Variants in OPCML observed in about 807,000 individuals in gnomAD.
OPCML encodes opioid-binding protein/cell adhesion molecule.
A neutral mutation model predicts 37.8 loss-of-function variants in OPCML; 13 were observed. The observed-to-expected ratio is 0.34, with a 90% confidence interval of 0.22 to 0.55. The LOEUF (loss-of-function observed/expected upper bound fraction) is 0.55, where lower values mean the gene tolerates loss of function less well. Ranked by LOEUF, OPCML falls within the 20% of genes least tolerant of loss-of-function variation. The probability of loss-of-function intolerance (pLI) is 0.91; values close to 1 mark genes in which losing one functional copy is unlikely to be tolerated. For synonymous variants in OPCML, 176 were observed against 168.8 expected, an observed-to-expected ratio of 1.04 and a Z score of -0.33; for missense variants, 341 against 435.6, an observed-to-expected ratio of 0.78 and a Z score of 1.93.
chr11:132,474,821 C>T (rs1443181471), intron 4 of OPCML, among the ~76,000 whole-genome samples: 6 of 152,184 alleles, frequency 3.9e-5, no homozygotes, highest in South Asian at 2.1e-4. Flanking sequence ...CTTCCAAAGT[C>T]GTGGATTGCA....
chr11:132,870,259 C>T (rs1395575849), intron 2 of OPCML, among the ~76,000 whole-genome samples: 1 of 152,074 alleles, frequency 6.6e-6, no homozygotes, highest in South Asian at 2.1e-4. Context: ...AGATTACTGC[C>T]TCCATCCTGC....
chr11:132,653,976 C>A (rs1161527785), intron 3 of OPCML, among the ~76,000 whole-genome samples: 3 of 152,174 alleles, frequency 2.0e-5, no homozygotes, highest in South Asian at 2.1e-4. Flanking sequence ...TTTATACATG[C>A]CTTATTGTCT....
intron 2 of OPCML, among the ~76,000 whole-genome samples, chr11:132,721,443 C>G (rs1449639126): frequency 6.6e-6 from 1 of 152,090 alleles, no homozygotes; most frequent in Non-Finnish European, 1.5e-5. Flanking sequence ...GGCTAGGGAC[C>G]AGCAAGGCAT....
At chr11:133,121,128 A>G (rs556465918) in intron 1 of OPCML, among the ~76,000 whole-genome samples, 8 of 152,160 alleles carry the variant, frequency 5.3e-5, no homozygotes, top group Non-Finnish European at 8.8e-5. Context: ...CATGTTGGCC[A>G]GGATGGTCTC....
intron 1 of OPCML, among the ~76,000 whole-genome samples, chr11:133,484,122 ATGAT>A (rs1482403768): frequency 3.1e-5 from 4 of 129,728 alleles, no homozygotes; most frequent in Non-Finnish European, 3.2e-5. Context: ...TGATAGATAG[ATGAT>A]TGATAGATAG....
At chr11:132,833,549 G>T (rs542817547) in intron 2 of OPCML, among the ~76,000 whole-genome samples, 228 of 152,314 alleles carry the variant, frequency 1.5e-3, no homozygotes, top group Non-Finnish European at 2.2e-3. Flanking sequence ...AAAAGGTGTG[G>T]TGATGTAAAT....
At chr11:132,972,715 G>A (rs1029796565) in intron 1 of OPCML, among the ~76,000 whole-genome samples, 2 of 152,164 alleles carry the variant, frequency 1.3e-5, no homozygotes, top group Non-Finnish European at 1.5e-5. Flanking sequence ...CCGTCAGCCT[G>A]ACAAGTGGCT....
intron 2 of OPCML, among the ~76,000 whole-genome samples, chr11:132,811,249 T>C (rs887374704): frequency 6.6e-6 from 1 of 152,176 alleles, no homozygotes; most frequent in Non-Finnish European, 1.5e-5. Context: ...ATTCTCTCCA[T>C]TAAAATCCTG....
chr11:133,482,207 G>A (rs534143611), intron 1 of OPCML, among the ~76,000 whole-genome samples: 6 of 152,242 alleles, frequency 3.9e-5, no homozygotes, highest in Admixed American at 3.9e-4. Context: ...GGTGAGAGGA[G>A]TCACAGATAT....
At chr11:132,697,868 T>C (rs961863319) in intron 2 of OPCML, among the ~76,000 whole-genome samples, 4 of 152,060 alleles carry the variant, frequency 2.6e-5, no homozygotes, top group Non-Finnish European at 2.9e-5. Context: ...GGGGCTCAAG[T>C]AATCCTCTCA....
rs71038527 is a variant in OPCML, at chr11:133,410,634, T to TAAAAAAAAAAAAAAA, written c.61+121615_61+121629dup. Among the ~76,000 whole-genome samples the TAAAAAAAAAAAAAAA allele has an allele frequency of 1.3e-3, 61 of 47,006 alleles. 13 individuals are homozygous for TAAAAAAAAAAAAAAA. Among genetic ancestry groups the TAAAAAAAAAAAAAAA allele is most frequent in the Non-Finnish European group, 2.0e-3 (45 of 22,812 alleles). 30.8% of individuals were successfully genotyped at this position (47,006 alleles called of 152,430 possible). On this transcript the variant is annotated intron_variant, in intron 1 of 7. Transcript: ENST00000524381. ...TGAAAGCACACGTTAAGAAAAAAAG[T>TAAAAAAAAAAAAAAA]AAAAAAAAAAAAAAAAAAAAAAAAA...
At chr11:132,563,406 C>T (rs371305475) in intron 3 of OPCML, among the ~76,000 whole-genome samples, 80 of 151,998 alleles carry the variant, frequency 5.3e-4, no homozygotes, top group African/African-American at 1.8e-3. Flanking sequence ...TACTTCTCCC[C>T]GAATGTCTCT....
At chr11:132,980,131 A>G (rs903737145) in intron 1 of OPCML, among the ~76,000 whole-genome samples, 4 of 152,216 alleles carry the variant, frequency 2.6e-5, no homozygotes, top group Non-Finnish European at 1.5e-5. Flanking sequence ...ATATTCACCA[A>G]CTTGATGAAG....
intron 2 of OPCML, among the ~76,000 whole-genome samples, chr11:132,866,450 AAACAATCCCAATTGGTC>A (rs370806557): frequency 8.8e-4 from 134 of 152,350 alleles, no homozygotes; most frequent in African/African-American, 2.9e-3. Flanking sequence ...TGTACCAAGA[AAACAATCCCAATTGGTC>A]ATCTGGAAGT....
intron 1 of OPCML, among the ~76,000 whole-genome samples, chr11:133,413,213 G>A (rs79680497): frequency 0.07 from 10,598 of 152,006 alleles, 1,054 homozygotes; most frequent in African/African-American, 0.22. Context: ...TGGAGAAGCC[G>A]GGAGACCGAG....
chr11:132,599,468 G>A (rs1937698233), intron 3 of OPCML, among the ~76,000 whole-genome samples: 1 of 151,716 alleles, frequency 6.6e-6, no homozygotes, highest in Admixed American at 6.6e-5. Flanking sequence ...AGGAGGAGGA[G>A]GAGGAGAAGA....
At chr11:132,562,395 G>A (rs1278581393) in intron 3 of OPCML, among the ~76,000 whole-genome samples, 1 of 151,382 alleles carries the variant, frequency 6.6e-6, no homozygotes, top group Non-Finnish European at 1.5e-5. Context: ...GTTGGCATTT[G>A]GGTAGCTTCA....
At chr11:132,544,313 T>A (rs1028136785) in intron 3 of OPCML, among the ~76,000 whole-genome samples, 1 of 152,096 alleles carries the variant, frequency 6.6e-6, no homozygotes, top group Admixed American at 6.6e-5. Context: ...AGGGGTCAGA[T>A]CTCCTTACTC....
chr11:133,123,727 T>A (rs575876105), intron 1 of OPCML, among the ~76,000 whole-genome samples: 8 of 152,120 alleles, frequency 5.3e-5, no homozygotes, highest in Non-Finnish European at 1.2e-4. Flanking sequence ...CTGAGTGGCA[T>A]CCTTCCTGGG....
Sources: gnomAD v4.1 joint callset for allele counts (sites outside exome capture counted in the v4.1 genomes callset) on GRCh38, gnomAD v4.1.1 for gene constraint, MANE v1.5 for transcripts, NCBI Gene and HGNC (gene_info 2026-07-23, HGNC 2026-07-21) for gene names.